The following AHCYL2 variants were observed in gnomAD, a reference collection of about 807,000 sequenced individuals.
AHCYL2 encodes adenosylhomocysteinase like 2.
A neutral mutation model predicts 81.4 loss-of-function variants in AHCYL2; 28 were observed. The ratio of observed to expected loss-of-function variants is 0.34; its 90% CI spans 0.25 to 0.47. The LOEUF (loss-of-function observed/expected upper bound fraction) is 0.47. AHCYL2 is among the 20% of genes least tolerant of loss of function. The pLI is 1.00. For missense variants in AHCYL2, 551 were observed against 785.1 expected, an observed-to-expected ratio of 0.70 and a Z score of 3.56; for synonymous variants, 272 against 290.2, an observed-to-expected ratio of 0.94 and a Z score of 0.64.
chr7:129,261,687 C>G (rs970284204), intron 1 of AHCYL2, among the ~76,000 whole-genome samples: 2 of 152,126 alleles, frequency 1.3e-5, no homozygotes, highest in Admixed American at 6.5e-5. Context: ...TTTCAATAAT[C>G]TAGTCTCTTT....
chr7:129,236,693 G>A (rs1300058243), intron 1 of AHCYL2, among the ~76,000 whole-genome samples: 1 of 152,126 alleles, frequency 6.6e-6, no homozygotes, highest in East Asian at 1.9e-4. Flanking sequence ...TTACATATCA[G>A]CTAACGATAC....
chr7:129,255,490 A>G (rs1401818482), intron 1 of AHCYL2, among the ~76,000 whole-genome samples: 1 of 152,196 alleles, frequency 6.6e-6, no homozygotes, highest in Non-Finnish European at 1.5e-5. Flanking sequence ...GTTAGTAACT[A>G]TCTATTGGAC....
intron 1 of AHCYL2, among the ~76,000 whole-genome samples, chr7:129,236,420 T>C (rs535351979): frequency 2.6e-5 from 4 of 152,120 alleles, no homozygotes; most frequent in African/African-American, 9.6e-5. Context: ...AGGATGGTCT[T>C]GAACTCCTGA....
chr7:129,384,767 C>G (rs899571798), intron 2 of AHCYL2, among the ~76,000 whole-genome samples: 1 of 152,150 alleles, frequency 6.6e-6, no homozygotes, highest in Non-Finnish European at 1.5e-5. Flanking sequence ...ATTTTATAGA[C>G]TTTTCTTAAT....
intron 8 of AHCYL2, 179 bp from the exon 9 acceptor site, chr7:129,405,656 AT>A (rs1199901974): frequency 1.9e-6 from 1 of 523,464 alleles, no homozygotes; most frequent in Non-Finnish European, 3.3e-6. Flanking sequence ...GTCTTTTAGA[AT>A]TTGTCTAGCA....
intron 1 of AHCYL2, among the ~76,000 whole-genome samples, chr7:129,239,736 A>G (rs1294539012): frequency 6.6e-6 from 1 of 152,176 alleles, no homozygotes; most frequent in Non-Finnish European, 1.5e-5. Flanking sequence ...CTCAATAGAC[A>G]CAAAGACATA....
chr7:129,343,526 T>C (rs1406772793), intron 1 of AHCYL2, among the ~76,000 whole-genome samples: 1 of 152,088 alleles, frequency 6.6e-6, no homozygotes, highest in Non-Finnish European at 1.5e-5. Flanking sequence ...GTTCCAGAAA[T>C]AGACCTCTAC....
At chr7:129,284,663 C>T (rs375243009) in intron 1 of AHCYL2, among the ~76,000 whole-genome samples, 5 of 149,360 alleles carry the variant, frequency 3.3e-5, no homozygotes, top group African/African-American at 1.2e-4. Context: ...CAATGTGATT[C>T]TCACATATGG....
intron 1 of AHCYL2, among the ~76,000 whole-genome samples, chr7:129,310,637 G>A (rs1489981733): frequency 6.6e-6 from 1 of 152,228 alleles, no homozygotes; most frequent in Non-Finnish European, 1.5e-5. Context: ...GCAAAGCAGT[G>A]AAGTGTTAGG....
chr7:129,278,084 A>G (rs1364902100), intron 1 of AHCYL2, among the ~76,000 whole-genome samples: 1 of 152,192 alleles, frequency 6.6e-6, no homozygotes, highest in Non-Finnish European at 1.5e-5. Flanking sequence ...TGGTATGGTC[A>G]GTCTTTATTT....
intron 1 of AHCYL2, among the ~76,000 whole-genome samples, chr7:129,283,579 TTTAAAA>T (rs1458149437): frequency 2.0e-5 from 3 of 152,212 alleles, no homozygotes; most frequent in Admixed American, 6.5e-5. Flanking sequence ...TTTTCTAGAC[TTTAAAA>T]TTAAGTTTCA....
intron 1 of AHCYL2, among the ~76,000 whole-genome samples, chr7:129,247,783 G>A (rs965587240): frequency 1.3e-4 from 20 of 151,970 alleles, no homozygotes; most frequent in Non-Finnish European, 2.5e-4. Context: ...TCTATTTTTC[G>A]TAGAGAAGGG....
intron 1 of AHCYL2, among the ~76,000 whole-genome samples, chr7:129,307,128 C>T (rs1373232076): frequency 6.6e-6 from 1 of 152,104 alleles, no homozygotes; most frequent in Admixed American, 6.5e-5. Context: ...CACTCAAGGC[C>T]TTAGGGCTCT....
chr7:129,317,934 G>A (rs1217790428), intron 1 of AHCYL2, among the ~76,000 whole-genome samples: 1 of 152,164 alleles, frequency 6.6e-6, no homozygotes, highest in Non-Finnish European at 1.5e-5. Flanking sequence ...AAAATTTTCT[G>A]GGGTATTTTT....
intron 1 of AHCYL2, among the ~76,000 whole-genome samples, chr7:129,367,353 T>G (rs1268278639): frequency 6.6e-6 from 1 of 152,178 alleles, no homozygotes; most frequent in Non-Finnish European, 1.5e-5. Context: ...GCCTGAAACC[T>G]GTGGTACTCT....
At position 129,419,215 on chromosome 7, in the gene AHCYL2, A is replaced by G. The variant is rs1328422383; in HGVS notation, c.1462-3625A>G. Among the ~76,000 whole-genome samples, 1 of 152,140 alleles carries G rather than the reference A, an allele frequency of 6.6e-6. No individual in the cohort carries two copies. The highest frequency in any genetic ancestry group is 2.4e-5 in the African/African-American group (1 of 41,422). On this transcript the variant is annotated intron_variant, in intron 12 of 16. Coordinates refer to ENST00000325006, the MANE Select transcript of AHCYL2 (RefSeq NM_015328.4). The surrounding 1 kb of genome is among the most constrained non-coding windows in gnomAD (Gnocchi z 4.7). ...ATCTGGGATAGGGATTATGCTCTCC[A>G]CTGTCTTTTGGCCGTATCTTTCTTT... is the stretch of plus-strand genomic sequence containing the variant.
chr7:129,240,026 C>T (rs947039492), intron 1 of AHCYL2, among the ~76,000 whole-genome samples: 2 of 151,984 alleles, frequency 1.3e-5, no homozygotes, highest in African/African-American at 4.8e-5. Flanking sequence ...GAGTTCGAGA[C>T]CAGCTTGACC....
chr7:129,343,907 T>C (rs916019969), intron 1 of AHCYL2, among the ~76,000 whole-genome samples: 1 of 152,284 alleles, frequency 6.6e-6, no homozygotes. Flanking sequence ...GAAAAATGAC[T>C]GGTATTTAGA....
At chr7:129,233,462 C>T (rs549195527) in intron 1 of AHCYL2, among the ~76,000 whole-genome samples, 1 of 152,218 alleles carries the variant, frequency 6.6e-6, no homozygotes, top group Admixed American at 6.6e-5. Context: ...TAGGCATTAG[C>T]CACTGTGCCT....
Sources: allele counts gnomAD v4.1 joint callset (sites outside exome capture counted in the v4.1 genomes callset), GRCh38; gene constraint gnomAD v4.1.1; non-coding constraint Gnocchi (gnomAD v3.1); transcripts MANE v1.5; gene names NCBI Gene and HGNC (gene_info 2026-07-23, HGNC 2026-07-21).